Variants in VEPH1 observed in about 807,000 individuals in gnomAD.
VEPH1 encodes the protein ventricular zone expressed PH domain containing 1.
A neutral mutation model predicts 85.2 loss-of-function variants in VEPH1; 80 were observed. The ratio of observed to expected loss-of-function variants is 0.94; its 90% CI spans 0.78 to 1.13. VEPH1 has a LOEUF of 1.13. VEPH1 is among the 50% of genes most tolerant of loss of function. The pLI is 0.00. For synonymous variants in VEPH1, 297 were observed against 348.0 expected (o/e 0.85, Z 1.63); for missense variants, 955 against 980.5 (o/e 0.97, Z 0.35).
At position 157,260,971 on chromosome 3, in the gene VEPH1, C is replaced by A; in HGVS notation, c.*163G>T. On this transcript the variant is annotated 3_prime_UTR_variant, in exon 14 of 14. Transcript: ENST00000362010. ...TAAAGCTGTTAGAGTATGACATTTA[C>A]TAAGAATCCTGCCATTTTAGGCCCT... The A allele has an allele frequency of 1.1e-6, 1 of 902,606 alleles. No individual in the cohort carries two copies. The highest frequency in any genetic ancestry group is 1.7e-6 in the Non-Finnish European group (1 of 597,572). 55.9% of individuals were successfully genotyped at this position (902,606 alleles called of 1,614,324 possible). A position where few individuals can be genotyped will look rare whatever the true frequency, so the allele number is the denominator to read the frequency against.
At chr3:157,497,434 G>A (rs1214254281) in intron 1 of VEPH1, among the ~76,000 whole-genome samples, 3 of 152,134 alleles carry the variant, frequency 2.0e-5, no homozygotes, top group Non-Finnish European at 2.9e-5. Context: ...AAATGTGGGA[G>A]GGTGAATCAC....
At chr3:157,466,164 A>G (rs993282965) in intron 3 of VEPH1, among the ~76,000 whole-genome samples, 1 of 151,530 alleles carries the variant, frequency 6.6e-6, no homozygotes, top group Non-Finnish European at 1.5e-5. Flanking sequence ...CGTAATACAC[A>G]TTGTATGGGT....
intron 9 of VEPH1, among the ~76,000 whole-genome samples, chr3:157,362,392 C>A (rs1726147882): frequency 6.6e-6 from 1 of 152,156 alleles, no homozygotes; most frequent in South Asian, 2.1e-4. Flanking sequence ...TGGCCCCTGA[C>A]ATCCTGTTTA....
chr3:157,389,634 G>C (rs1451197989), intron 6 of VEPH1, among the ~76,000 whole-genome samples: 2 of 15,320 alleles, frequency 1.3e-4, no homozygotes, highest in Non-Finnish European at 1.3e-4. Flanking sequence ...TAAGCAGATA[G>C]ATAGATAGAT....
At chr3:157,475,361 C>T (rs369412056) in intron 2 of VEPH1, among the ~76,000 whole-genome samples, 76 of 151,874 alleles carry the variant, frequency 5.0e-4, no homozygotes, top group South Asian at 2.7e-3. Context: ...AGATTTTGCC[C>T]GGTGATCTAA....
intron 12 of VEPH1, among the ~76,000 whole-genome samples, chr3:157,277,348 A>G (rs113457632): frequency 9.8e-5 from 15 of 152,322 alleles, no homozygotes; most frequent in African/African-American, 3.6e-4. Flanking sequence ...GCACTTTCCC[A>G]TACTGCCTGC....
At chr3:157,398,470 C>T (rs1390885698) in intron 6 of VEPH1, among the ~76,000 whole-genome samples, 1 of 152,020 alleles carries the variant, frequency 6.6e-6, no homozygotes, top group Non-Finnish European at 1.5e-5. Flanking sequence ...ACCATCTCTA[C>T]TAAAAATACA....
In VEPH1 at chr3:157,495,256, G is replaced by T. The variant is rs768144237; in HGVS notation, c.94C>A (p.Leu32Ile). The T allele has an allele frequency of 6.2e-7, 1 of 1,614,032 alleles. No homozygotes were observed. The change falls in exon 2 of 14, where the codon CTT (leucine) becomes ATT (isoleucine). Residue 32 changes from leucine (L) to isoleucine (I), a missense_variant. By Grantham distance (5) the Leu-to-Ile change is conservative. Transcript: ENST00000362010. Reference sequence around the variant, plus strand: ...TTAATTTGCTCCAAAGCTTCTGTAAGGCTGTCTTCAATCTCAGAGTCATCT... The same window carrying T: ...TTAATTTGCTCCAAAGCTTCTGTAATGCTGTCTTCAATCTCAGAGTCATCT... ...SLDDSEIEDSLTEALEQIKII... is the reference protein window; with the variant it reads ...SLDDSEIEDSITEALEQIKII...
intron 11 of VEPH1, among the ~76,000 whole-genome samples, chr3:157,307,891 T>C (rs1234441434): frequency 1.3e-5 from 2 of 151,684 alleles, no homozygotes; most frequent in Non-Finnish European, 3.0e-5. Context: ...TATTAAAAAA[T>C]TTTTTATCAT....
intron 4 of VEPH1, among the ~76,000 whole-genome samples, chr3:157,451,295 A>G (rs1288389867): frequency 2.0e-5 from 3 of 152,200 alleles, no homozygotes; most frequent in East Asian, 3.8e-4. Flanking sequence ...CAAGTTTTCT[A>G]TCCCCTTAAC....
intron 3 of VEPH1, among the ~76,000 whole-genome samples, chr3:157,465,454 C>T (rs953196118): frequency 1.3e-5 from 2 of 152,314 alleles, no homozygotes; most frequent in African/African-American, 2.4e-5. Context: ...TTAATTTTCA[C>T]AGCAAACTCA....
chr3:157,366,913 T>C (rs1268386057), intron 7 of VEPH1, among the ~76,000 whole-genome samples: 1 of 152,148 alleles, frequency 6.6e-6, no homozygotes, highest in Non-Finnish European at 1.5e-5. Flanking sequence ...GGTTGGATAG[T>C]GAAGTTTTTC....
chr3:157,369,079 T>C (rs1476530119), intron 7 of VEPH1, among the ~76,000 whole-genome samples: 1 of 150,678 alleles, frequency 6.6e-6, no homozygotes, highest in Non-Finnish European at 1.5e-5. Flanking sequence ...ACCACATTGT[T>C]GTCTGAAGTC....
chr3:157,415,639 A>G (rs1403963548), intron 5 of VEPH1, among the ~76,000 whole-genome samples: 1 of 151,930 alleles, frequency 6.6e-6, no homozygotes, highest in East Asian at 1.9e-4. Context: ...CCTTTTTTGT[A>G]TACCTGACTC....
intron 7 of VEPH1, among the ~76,000 whole-genome samples, chr3:157,365,628 C>T (rs944688263): frequency 6.6e-6 from 1 of 152,230 alleles, no homozygotes; most frequent in South Asian, 2.1e-4. Context: ...AAGGTTCCTG[C>T]ACCACCCCAC....
At chr3:157,376,358 A>T (rs1251858100) in intron 7 of VEPH1, among the ~76,000 whole-genome samples, 2 of 152,158 alleles carry the variant, frequency 1.3e-5, no homozygotes, top group Non-Finnish European at 1.5e-5. Flanking sequence ...CAGCTCAGCC[A>T]GTTACAGAGG....
chr3:157,369,188 A>AAAAC (rs1560001139), intron 7 of VEPH1, among the ~76,000 whole-genome samples: 11 of 143,746 alleles, frequency 7.7e-5, no homozygotes, highest in African/African-American at 2.8e-4. Flanking sequence ...ATGAAAAAAA[A>AAAAC]AAAAAAAAAA....
chr3:157,275,552 G>A (rs1290069763), intron 12 of VEPH1, among the ~76,000 whole-genome samples: 1 of 151,690 alleles, frequency 6.6e-6, no homozygotes. Context: ...TACCAGTCTG[G>A]TGGCACAGGG....
intron 4 of VEPH1, among the ~76,000 whole-genome samples, chr3:157,429,239 A>G (rs1732964135): frequency 6.6e-6 from 1 of 152,190 alleles, no homozygotes; most frequent in South Asian, 2.1e-4. Context: ...AAGTACTTAA[A>G]TGTCTCAGGG....
Sources: gnomAD v4.1 joint callset for allele counts (sites outside exome capture counted in the v4.1 genomes callset) on GRCh38, gnomAD v4.1.1 for gene constraint, MANE v1.5 for transcripts, NCBI Gene and HGNC (gene_info 2026-07-23, HGNC 2026-07-21) for gene names.